GRIP1: variants seen among roughly 807,000 people sequenced by gnomAD.
The protein encoded by GRIP1 is glutamate receptor interacting protein 1, also known as glutamate receptor-interacting protein 1.
Under a neutral mutation model 129.9 loss-of-function variants are expected in GRIP1, and 45 were observed. The ratio of observed to expected loss-of-function variants is 0.35; its 90% CI spans 0.27 to 0.44. The LOEUF is 0.44. Ranked by LOEUF, GRIP1 falls within the 20% of genes least tolerant of loss-of-function variation. The pLI is 1.00. For missense variants in GRIP1, 1,196 were observed against 1,396.8 expected, an observed-to-expected ratio of 0.86 and a Z score of 2.29; for synonymous variants, 530 against 520.8, an observed-to-expected ratio of 1.02 and a Z score of -0.24.
intron 1 of GRIP1, among the ~76,000 whole-genome samples, chr12:66,915,416 G>C (rs906748756): frequency 6.6e-6 from 1 of 152,228 alleles, no homozygotes; most frequent in African/African-American, 2.4e-5. Flanking sequence ...GGAGATGAGG[G>C]AGGGAGCTGT....
rs141125037 is a variant in GRIP1, at chr12:66,389,352, C to T, written c.2464+2956G>A. Among the ~76,000 whole-genome samples, 569 of 152,210 alleles carry T rather than the reference C, an allele frequency of 3.7e-3. 6 individuals carry two copies. The highest frequency in any genetic ancestry group is 0.012 in the African/African-American group (517 of 41,518). On this transcript the variant is annotated intron_variant, in intron 19 of 24. Coordinates refer to ENST00000359742, the MANE Select transcript of GRIP1 (RefSeq NM_001366722.1). ...AAGCGATTCTCCTGCCTCAGCCTCCCGAGTAGCTGGGATTACAGGTGTGTG... is the reference window on the plus strand; with the variant it reads ...AAGCGATTCTCCTGCCTCAGCCTCCTGAGTAGCTGGGATTACAGGTGTGTG...
chr12:66,739,129 C>A (rs2036707087), intron 1 of GRIP1, among the ~76,000 whole-genome samples: 2 of 152,080 alleles, frequency 1.3e-5, no homozygotes, highest in Non-Finnish European at 2.9e-5. Context: ...AAAGAAGTAC[C>A]TTGTCTACTG....
intron 16 of GRIP1, among the ~76,000 whole-genome samples, chr12:66,405,128 T>C (rs993165273): frequency 3.9e-5 from 6 of 152,156 alleles, no homozygotes; most frequent in African/African-American, 1.4e-4. Context: ...GGAGGAAGAA[T>C]TCAGATTGCT....
At chr12:66,960,675 A>C (rs557226646) in intron 1 of GRIP1, among the ~76,000 whole-genome samples, 1 of 152,044 alleles carries the variant, frequency 6.6e-6, no homozygotes, top group South Asian at 2.1e-4. Context: ...CCCTCAGGGG[A>C]TATCTGACAA....
At chr12:67,067,542 T>C (rs1288105854) in intron 1 of GRIP1, among the ~76,000 whole-genome samples, 1 of 152,000 alleles carries the variant, frequency 6.6e-6, no homozygotes, top group African/African-American at 2.4e-5. Flanking sequence ...AAAGCAGGGG[T>C]GCCTTTTGAA....
At chr12:66,596,748 A>T (rs2064066707) in intron 2 of GRIP1, 99 bp downstream of exon 2, 1 of 726,948 alleles carries the variant, frequency 1.4e-6, no homozygotes. Flanking sequence ...ATGATTTATT[A>T]TTATTATTAT....
intron 1 of GRIP1, among the ~76,000 whole-genome samples, chr12:66,930,091 T>G (rs1285958893): frequency 6.6e-6 from 1 of 151,678 alleles, no homozygotes; most frequent in Non-Finnish European, 1.5e-5. Flanking sequence ...ATACTTTCTT[T>G]TGGCCTTTAT....
chr12:66,468,194 G>A (rs2138383956), intron 7 of GRIP1, among the ~76,000 whole-genome samples: 1 of 152,230 alleles, frequency 6.6e-6, no homozygotes, highest in South Asian at 2.1e-4. Flanking sequence ...TCCAGGATGT[G>A]CTCTTAAAAA....
At chr12:66,621,331 G>C (rs1244226098) in intron 1 of GRIP1, among the ~76,000 whole-genome samples, 1 of 152,072 alleles carries the variant, frequency 6.6e-6, no homozygotes, top group African/African-American at 2.4e-5. Context: ...GCCTATTCTA[G>C]GCAACTCACA....
chr12:66,586,594 T>C (rs1009098965), intron 2 of GRIP1, among the ~76,000 whole-genome samples: 1 of 152,202 alleles, frequency 6.6e-6, no homozygotes, highest in African/African-American at 2.4e-5. Flanking sequence ...CCCACTCCCC[T>C]GTTCCACTGA....
At chr12:66,380,364 CCTCT>C (rs1437274429) in intron 19 of GRIP1, among the ~76,000 whole-genome samples, 2 of 152,122 alleles carry the variant, frequency 1.3e-5, no homozygotes, top group Non-Finnish European at 2.9e-5. Flanking sequence ...GGCTTTCACC[CCTCT>C]CTCTTGTCCA....
rs560495730 is a variant in GRIP1, at chr12:66,854,003, CTT to C, written c.58+215045_58+215046del. 2.1e-4 allele frequency among the ~76,000 whole-genome samples: 32 copies of C among 152,048 alleles called. No individual in the cohort carries two copies. In the South Asian group the frequency reaches 6.4e-3, roughly 31 times the overall value. ...AATAAATAATGAATCTTTTCACTCT[CTT>C]TGGGTTGATGGGCATAAGAAAAAAA... On this transcript the variant is annotated intron_variant, in intron 1 of 1. Coordinates refer to the GRIP1 transcript ENST00000643019.
At chr12:66,761,256 T>G (rs1342668692) in intron 1 of GRIP1, among the ~76,000 whole-genome samples, 2 of 152,008 alleles carry the variant, frequency 1.3e-5, no homozygotes, top group Non-Finnish European at 2.9e-5. Context: ...ACTCAAAAAT[T>G]TCCACGGATT....
At chr12:66,568,913 C>T (rs2062859169) in intron 2 of GRIP1, 1 of 522,628 alleles carries the variant, frequency 1.9e-6, no homozygotes. Flanking sequence ...GGAGGTGAGA[C>T]AGTCTGGGAA....
chr12:66,958,904 C>T (rs745674659), intron 1 of GRIP1, among the ~76,000 whole-genome samples: 3 of 152,096 alleles, frequency 2.0e-5, no homozygotes, highest in Non-Finnish European at 2.9e-5. Flanking sequence ...AGAATGAGTG[C>T]CCAGTACCCC....
chr12:66,921,554 AC>A (rs1345607605), intron 1 of GRIP1, among the ~76,000 whole-genome samples: 2 of 152,078 alleles, frequency 1.3e-5, no homozygotes, highest in Non-Finnish European at 2.9e-5. Context: ...CTGCTTTTGA[AC>A]TCAGCATAGT....
rs999145703 is a variant in GRIP1, at chr12:66,506,102, G to T, written c.724+9517C>A. Among the ~76,000 whole-genome samples, 8 of 152,190 alleles carry T rather than the reference G, an allele frequency of 5.3e-5. No homozygotes were observed. In the South Asian group the frequency reaches 1.5e-3, roughly 28 times the overall value. ...ACTGTTAGTGGGAGTGTAAATTGGT[G>T]CAACCACTTAGGAAACACTCGTTGG... is the stretch of plus-strand genomic sequence containing the variant. On this transcript the variant is annotated intron_variant, in intron 7 of 24. Coordinates refer to ENST00000359742, the MANE Select transcript of GRIP1 (RefSeq NM_001366722.1).
At chr12:66,972,444 T>C (rs1403448920) in intron 1 of GRIP1, among the ~76,000 whole-genome samples, 2 of 152,234 alleles carry the variant, frequency 1.3e-5, no homozygotes, top group African/African-American at 2.4e-5. Flanking sequence ...CAACAGAACT[T>C]CTTACAAAGA....
chr12:66,847,408 C>T (rs902368039), intron 1 of GRIP1, among the ~76,000 whole-genome samples: 6 of 152,122 alleles, frequency 3.9e-5, no homozygotes, highest in Non-Finnish European at 8.8e-5. Flanking sequence ...TTATTTACTT[C>T]ACAAAAAGGT....
Sources: allele counts gnomAD v4.1 joint callset (sites outside exome capture counted in the v4.1 genomes callset), GRCh38; gene constraint gnomAD v4.1.1; transcripts MANE v1.5; gene names NCBI Gene and HGNC (gene_info 2026-07-23, HGNC 2026-07-21).